Variants in ROBO2 observed in about 807,000 individuals in gnomAD.
ROBO2 encodes roundabout homolog 2.
Under a neutral mutation model 160.8 loss-of-function variants are expected in ROBO2, and 53 were observed. The observed-to-expected ratio is 0.33, with a 90% CI of 0.26 to 0.41. The LOEUF is 0.41. Ranked by LOEUF, ROBO2 falls within the 10% of genes least tolerant of loss-of-function variation. ROBO2 has a pLI of 1.00. For synonymous variants in ROBO2, 664 were observed against 611.7 expected, an observed-to-expected ratio of 1.09 and a Z score of -1.26; for missense variants, 1,577 against 1,722.4, an observed-to-expected ratio of 0.92 and a Z score of 1.49.
intron 2 of ROBO2, among the ~76,000 whole-genome samples, chr3:76,437,847 C>T (rs1408048956): frequency 6.6e-6 from 1 of 152,072 alleles, no homozygotes; most frequent in Non-Finnish European, 1.5e-5. Context: ...TTTAATTATG[C>T]CAACAACATA....
At position 76,654,929 on chromosome 3, in the gene ROBO2, T is replaced by TATATATATATATATA. The variant is rs5850279; in HGVS notation, c.110-443085_110-443084insATATATATATATATA. Among the ~76,000 whole-genome samples the TATATATATATATATA allele has an allele frequency of 1.6e-3, 230 of 141,404 alleles. 2 individuals carry two copies. The highest frequency in any genetic ancestry group is 3.3e-3 in the Admixed American group (46 of 13,986). The allele number at this position is 141,404 out of a possible 152,430, so 92.8% of individuals were successfully genotyped here. On this transcript the variant is annotated intron_variant, in intron 2 of 26. Transcript: ENST00000487694. ...TATGTGTGTGTATATATATATATAT[T>TATATATATATATATA]TATATATATAAATTTAAAGTTCAAA...
chr3:77,072,368 A>G (rs1361990124), intron 1 of ROBO2, among the ~76,000 whole-genome samples: 10 of 151,852 alleles, frequency 6.6e-5, no homozygotes, highest in Admixed American at 6.6e-4. Flanking sequence ...ATCATCCCCA[A>G]ACCCTCCTCC....
intron 2 of ROBO2, among the ~76,000 whole-genome samples, chr3:77,025,607 G>A (rs1559861873): frequency 6.6e-6 from 1 of 152,132 alleles, no homozygotes; most frequent in South Asian, 2.1e-4. Flanking sequence ...CTTTTGAAAT[G>A]CAAACAACCT....
At chr3:77,172,584 G>T (rs886968928) in intron 2 of ROBO2, among the ~76,000 whole-genome samples, 1 of 152,036 alleles carries the variant, frequency 6.6e-6, no homozygotes, top group Non-Finnish European at 1.5e-5. Context: ...ATGTTCTGTT[G>T]AGTGTTTTCA....
intron 2 of ROBO2, among the ~76,000 whole-genome samples, chr3:76,782,759 T>A (rs1430098685): frequency 1.3e-5 from 2 of 150,778 alleles, no homozygotes; most frequent in Non-Finnish European, 3.0e-5. Context: ...ACTTTCAGGC[T>A]GTGTATATTC....
intron 2 of ROBO2, among the ~76,000 whole-genome samples, chr3:76,801,309 A>C (rs1399586811): frequency 1.3e-5 from 2 of 152,180 alleles, no homozygotes; most frequent in Non-Finnish European, 2.9e-5. Flanking sequence ...AGTGGATAAA[A>C]AGCATATAGT....
At chr3:77,227,117 A>T (rs749282712) in intron 2 of ROBO2, among the ~76,000 whole-genome samples, 28 of 152,124 alleles carry the variant, frequency 1.8e-4, no homozygotes, top group Non-Finnish European at 7.4e-5. Context: ...AACAGTGGAA[A>T]ATATAGGCTC....
chr3:76,083,722 A>G (rs1451072168), intron 2 of ROBO2, among the ~76,000 whole-genome samples: 2 of 152,090 alleles, frequency 1.3e-5, no homozygotes, highest in East Asian at 3.9e-4. Flanking sequence ...TGTTCTATGT[A>G]CTTATTTCCC....
chr3:76,154,149 C>G (rs2072315254), intron 2 of ROBO2, among the ~76,000 whole-genome samples: 2 of 152,022 alleles, frequency 1.3e-5, no homozygotes. Flanking sequence ...ACAGATATTT[C>G]CAAATCAGAA....
At chr3:76,889,291 C>G (rs891922305) in intron 2 of ROBO2, among the ~76,000 whole-genome samples, 1 of 152,036 alleles carries the variant, frequency 6.6e-6, no homozygotes, top group African/African-American at 2.4e-5. Flanking sequence ...AAAAGAGATT[C>G]AAAATATAGG....
chr3:77,412,668 A>C (rs193271989), intron 2 of ROBO2, among the ~76,000 whole-genome samples: 1 of 152,196 alleles, frequency 6.6e-6, no homozygotes, highest in African/African-American at 2.4e-5. Flanking sequence ...CAAAGATCTG[A>C]AAGTCTTTGC....
At chr3:76,744,769 A>G (rs555003462) in intron 2 of ROBO2, among the ~76,000 whole-genome samples, 6 of 82,932 alleles carry the variant, frequency 7.2e-5, no homozygotes, top group Non-Finnish European at 1.2e-4. Flanking sequence ...TCTACTAAAA[A>G]CTCAAATTTA....
chr3:77,323,447 A>G (rs1276427093), intron 2 of ROBO2, among the ~76,000 whole-genome samples: 1 of 152,128 alleles, frequency 6.6e-6, no homozygotes, highest in African/African-American at 2.4e-5. Flanking sequence ...AGAATAACAC[A>G]TTTGCATTTT....
chr3:76,610,301 G>A (rs2087994917), intron 2 of ROBO2, among the ~76,000 whole-genome samples: 1 of 152,064 alleles, frequency 6.6e-6, no homozygotes, highest in African/African-American at 2.4e-5. Flanking sequence ...GGCCTCACTC[G>A]GGGCCCCCTG....
At chr3:77,164,437 G>C (rs539971403) in intron 2 of ROBO2, among the ~76,000 whole-genome samples, 110 of 135,030 alleles carry the variant, frequency 8.1e-4, no homozygotes, top group African/African-American at 2.9e-3. Flanking sequence ...GGAGGGAGGT[G>C]GGGGGGTCAG....
chr3:76,175,706 T>C (rs1005543321), intron 2 of ROBO2, among the ~76,000 whole-genome samples: 5 of 152,072 alleles, frequency 3.3e-5, no homozygotes, highest in Admixed American at 1.3e-4. Flanking sequence ...CTTGAGTCAA[T>C]AAAAGGAACA....
chr3:76,830,911 C>A (rs2067033810), intron 2 of ROBO2, among the ~76,000 whole-genome samples: 1 of 151,904 alleles, frequency 6.6e-6, no homozygotes, highest in Non-Finnish European at 1.5e-5. Context: ...ATAGTTTGAG[C>A]CCAGAAGATG....
chr3:77,030,851 C>T (rs889585981), intron 2 of ROBO2, among the ~76,000 whole-genome samples: 3 of 152,188 alleles, frequency 2.0e-5, no homozygotes, highest in Non-Finnish European at 4.4e-5. Flanking sequence ...TTTGAAATAA[C>T]ATTCCATTCA....
intron 6 of ROBO2, among the ~76,000 whole-genome samples, chr3:77,537,912 G>A (rs890467073): frequency 2.6e-5 from 4 of 151,948 alleles, no homozygotes; most frequent in East Asian, 3.9e-4. Context: ...ACCTCCCACC[G>A]GGTCCCTCCC....
Sources: gnomAD v4.1 joint callset for allele counts (sites outside exome capture counted in the v4.1 genomes callset) on GRCh38, gnomAD v4.1.1 for gene constraint, MANE v1.5 for transcripts, NCBI Gene and HGNC (gene_info 2026-07-23, HGNC 2026-07-21) for gene names.